The following LHCGR variants were observed in gnomAD, a reference collection of about 807,000 sequenced individuals.
The protein encoded by LHCGR is luteinizing hormone/choriogonadotropin receptor.
In LHCGR, 55 loss-of-function variants were observed where a neutral mutation model predicts 60.7. The observed-to-expected ratio is 0.91, with a 90% CI of 0.73 to 1.13. The LOEUF (loss-of-function observed/expected upper bound fraction) is 1.13. Among genes scored for constraint, LHCGR ranks in the 50% most tolerant of loss-of-function variants. LHCGR has a pLI of 0.00. For synonymous variants in LHCGR, 337 were observed against 316.5 expected (o/e 1.06, Z -0.69); for missense variants, 862 against 836.0 (o/e 1.03, Z -0.38).
In LHCGR at chr2:48,687,937, T is replaced by C. The variant is rs1419400399; in HGVS notation, c.1860A>G (p.Pro620=). The C allele has an allele frequency of 2.5e-6, 4 of 1,613,990 alleles. No homozygotes were observed. The highest frequency in any genetic ancestry group is 2.2e-5 in the East Asian group (1 of 44,878). ...TCTTAGTGAATATTGCATACAGAAA[T>C]GGATTGGCACAAGAATTGATGGGAT... ...LFYPINSCAN[P]FLYAIFTKTF... Residue 620 remains proline (P), a synonymous_variant, in exon 11 of 11, where the codon CCA becomes CCG. Coordinates refer to ENST00000294954, the MANE Select transcript of LHCGR (RefSeq NM_000233.4).
At chr2:48,697,232 C>T (rs1388922252) in intron 9 of LHCGR, among the ~76,000 whole-genome samples, 1 of 152,228 alleles carries the variant, frequency 6.6e-6, no homozygotes, top group East Asian at 1.9e-4. Flanking sequence ...CTAGACAACT[C>T]CTGCCTGTTC....
At chr2:48,750,145 C>T (rs1001862868) in intron 1 of LHCGR, among the ~76,000 whole-genome samples, 1 of 152,036 alleles carries the variant, frequency 6.6e-6, no homozygotes. Context: ...TTTTGGCTGG[C>T]CCAGATTTAG....
intron 8 of LHCGR, among the ~76,000 whole-genome samples, chr2:48,705,808 C>G (rs1438649955): frequency 6.6e-6 from 1 of 152,112 alleles, no homozygotes; most frequent in South Asian, 2.1e-4. Flanking sequence ...AGATGGGTCT[C>G]CTGAATACAG....
chr2:48,721,597 A>T (rs1196556827), intron 6 of LHCGR: 1 of 438,870 alleles, frequency 2.3e-6, no homozygotes, highest in Non-Finnish European at 4.6e-6. Flanking sequence ...AAAGTACTAT[A>T]CAAAGGCAGT....
At chr2:48,717,833 C>CT (rs10711529) in intron 6 of LHCGR, among the ~76,000 whole-genome samples, 710 of 68,966 alleles carry the variant, frequency 0.01, 18 homozygotes, top group African/African-American at 0.026. Flanking sequence ...TTTTCCATGT[C>CT]TTTTTTTTTT....
At chr2:48,721,683 C>T (rs1233637610) in intron 6 of LHCGR, 2 of 470,972 alleles carry the variant, frequency 4.2e-6, no homozygotes, top group Non-Finnish European at 8.8e-6. Context: ...TTTTGCTTCA[C>T]ATCTATCTCT....
At chr2:48,712,203 G>A (rs1668026642) in intron 7 of LHCGR, among the ~76,000 whole-genome samples, 1 of 151,888 alleles carries the variant, frequency 6.6e-6, no homozygotes, top group African/African-American at 2.4e-5. Context: ...TCTCTCTGGG[G>A]AGGCTTCATG....
chr2:48,704,093 A>G (rs1422487566), intron 8 of LHCGR, among the ~76,000 whole-genome samples: 4 of 152,220 alleles, frequency 2.6e-5, no homozygotes, highest in Admixed American at 2.6e-4. Flanking sequence ...TGTTTTTAGC[A>G]TGAAGCACTG....
At chr2:48,712,044 C>T (rs1668018153) in intron 7 of LHCGR, among the ~76,000 whole-genome samples, 1 of 151,922 alleles carries the variant, frequency 6.6e-6, no homozygotes, top group Admixed American at 6.6e-5. Flanking sequence ...TATAATTCCT[C>T]CTCTGGACCA....
chr2:48,708,530 C>T (rs1208983756), intron 8 of LHCGR, among the ~76,000 whole-genome samples: 1 of 137,372 alleles, frequency 7.3e-6, no homozygotes, highest in African/African-American at 2.8e-5. Flanking sequence ...TTAAAAGGGG[C>T]AATTTGGAGA....
In LHCGR at chr2:48,687,761, T is replaced by C; in HGVS notation, c.2036A>G (p.Lys679Arg). ...GSNKPSQSTL[K>R]LSTLHCQGTA... is the part of the protein sequence containing the mutation. ...ACCTTGACAGTGCAATGTGGACAAC[T>C]TCAAGGTGGATTGAGAAGGCTTATT... The change falls in exon 11 of 11, where the codon AAG (lysine) becomes AGG (arginine). Residue 679 changes from lysine (K) to arginine (R), a missense_variant. Transcript: ENST00000294954. 1 of 1,614,158 alleles carries C rather than the reference T, an allele frequency of 6.2e-7. No homozygotes were observed. The highest frequency in any genetic ancestry group is 8.5e-7 in the Non-Finnish European group (1 of 1,180,006).
At chr2:48,731,816 C>T (rs775463937) in intron 1 of LHCGR, among the ~76,000 whole-genome samples, 6 of 152,126 alleles carry the variant, frequency 3.9e-5, no homozygotes, top group Non-Finnish European at 7.4e-5. Context: ...GAAAATACAA[C>T]TGGAAATCAT....
intron 7 of LHCGR, among the ~76,000 whole-genome samples, chr2:48,710,174 G>T (rs1469852716): frequency 1.3e-5 from 2 of 152,080 alleles, no homozygotes; most frequent in African/African-American, 4.8e-5. Context: ...GAAACCCTCA[G>T]CCCTTTCATC....
chr2:48,755,582 G>A lies in LHCGR; in HGVS notation c.90C>T (p.Cys30=). 1.3e-6 allele frequency: 2 copies of A among 1,539,340 alleles called. No homozygotes were observed. The highest frequency in any genetic ancestry group is 1.7e-6 in the Non-Finnish European group (2 of 1,145,580). The change falls in exon 1 of 11, where the codon TGC becomes TGT. Residue 30 remains cysteine, a synonymous_variant. Coordinates refer to ENST00000294954, the MANE Select transcript of LHCGR (RefSeq NM_000233.4). ...PLPRALREAL[C]PEPCNCVPDG... ...CGGGCACGCAGTTGCAGGGCTCAGG[G>A]CAGAGCGCCTCGCGCAGCGCTCGTG... is the stretch of plus-strand genomic sequence containing the variant.
chr2:48,716,195 C>A (rs1439790278), intron 6 of LHCGR, among the ~76,000 whole-genome samples: 1 of 152,202 alleles, frequency 6.6e-6, no homozygotes, highest in South Asian at 2.1e-4. Flanking sequence ...AGCAACCCTG[C>A]AAAGAGAAGC....
At chr2:48,737,813 T>C (rs1181697214) in intron 1 of LHCGR, among the ~76,000 whole-genome samples, 1 of 152,252 alleles carries the variant, frequency 6.6e-6, no homozygotes, top group East Asian at 1.9e-4. Context: ...GTTACTGTAC[T>C]AGGCTCAAGG....
At position 48,688,001 on chromosome 2, in the gene LHCGR, A is replaced by T. The variant is rs768528167; in HGVS notation, c.1796T>A (p.Ile599Asn). The T allele has an allele frequency of 4.3e-6, 7 of 1,614,208 alleles. No homozygotes were observed. Among genetic ancestry groups the T allele is most frequent in the Non-Finnish European group, 5.9e-6 (7 of 1,180,016 alleles). Reference sequence around the variant, plus strand: ...TAAAACTTTAGAGTTGGTTACTGTGATAAGAGGTACTTTGAAGGCAGCTGA... The same window carrying T: ...TAAAACTTTAGAGTTGGTTACTGTGTTAAGAGGTACTTTGAAGGCAGCTGA... ...AISAAFKVPL[I>N]TVTNSKVLLV... The change falls in exon 11 of 11, where the codon ATC (isoleucine) becomes AAC (asparagine). Residue 599 changes from isoleucine to asparagine, a missense_variant. Transcript: ENST00000294954. The surrounding 1 kb of genome is among the most constrained non-coding windows in gnomAD (Gnocchi z 5.2).
intron 3 of LHCGR, among the ~76,000 whole-genome samples, chr2:48,728,707 C>A (rs1424131124): frequency 1.3e-5 from 2 of 152,080 alleles, no homozygotes; most frequent in East Asian, 1.9e-4. Context: ...ACCCAACAAA[C>A]CCAACACACA....
intron 10 of LHCGR, among the ~76,000 whole-genome samples, chr2:48,693,791 C>T (rs757386962): frequency 2.6e-5 from 4 of 152,142 alleles, no homozygotes; most frequent in Non-Finnish European, 4.4e-5. Context: ...AGCTCAGGAG[C>T]ATAGTTGTCG....
Sources: gnomAD v4.1 joint callset for allele counts (sites outside exome capture counted in the v4.1 genomes callset) on GRCh38, gnomAD v4.1.1 for gene constraint, Gnocchi (gnomAD v3.1) non-coding constraint, MANE v1.5 for transcripts, NCBI Gene and HGNC (gene_info 2026-07-23, HGNC 2026-07-21) for gene names.